Variants in DLGAP2 observed in about 807,000 individuals in gnomAD.
The protein encoded by DLGAP2 is disks large-associated protein 2.
A neutral mutation model predicts 100.3 loss-of-function variants in DLGAP2; 26 were observed. The ratio of observed to expected loss-of-function variants is 0.26; its 90% confidence interval spans 0.19 to 0.36. The LOEUF (loss-of-function observed/expected upper bound fraction) is 0.36, where lower values mean the gene tolerates loss of function less well. DLGAP2 is among the 10% of genes least tolerant of loss of function. The pLI is 1.00. For missense variants in DLGAP2, 1,858 were observed against 1,453.2 expected, an observed-to-expected ratio of 1.28 and a Z score of -4.53; for synonymous variants, 886 against 630.1, an observed-to-expected ratio of 1.41 and a Z score of -6.08.
chr8:1,329,865 C>T (rs935751500), intron 3 of DLGAP2, among the ~76,000 whole-genome samples: 1 of 152,202 alleles, frequency 6.6e-6, no homozygotes, highest in African/African-American at 2.4e-5. Flanking sequence ...ATTTCAGAAC[C>T]TTGTCTTCTA....
At chr8:754,009 T>C (rs1204702714) in intron 1 of DLGAP2, 1 of 152,230 alleles carries the variant, frequency 6.6e-6, no homozygotes, top group Non-Finnish European at 1.5e-5. Context: ...TTGTCTACCT[T>C]GCCTGGAGCC....
intron 2 of DLGAP2, among the ~76,000 whole-genome samples, chr8:1,022,698 C>G (rs1015982971): frequency 6.7e-6 from 1 of 149,404 alleles, no homozygotes; most frequent in Non-Finnish European, 1.5e-5. Flanking sequence ...ACAGCACCCA[C>G]CCTCCCTGGG....
intron 1 of DLGAP2, among the ~76,000 whole-genome samples, chr8:789,080 T>C (rs1261679491): frequency 2.6e-5 from 4 of 152,234 alleles, no homozygotes; most frequent in African/African-American, 7.2e-5. Flanking sequence ...CTTTATGTAC[T>C]TTGGACACAA....
intron 4 of DLGAP2, among the ~76,000 whole-genome samples, chr8:1,540,689 G>C (rs551995488): frequency 6.6e-6 from 1 of 152,352 alleles, no homozygotes; most frequent in East Asian, 1.9e-4. Context: ...CCCCACGGAG[G>C]GGGCATCACT....
At chr8:883,789 C>G (rs1337710033) in intron 1 of DLGAP2, among the ~76,000 whole-genome samples, 1 of 152,196 alleles carries the variant, frequency 6.6e-6, no homozygotes, top group Non-Finnish European at 1.5e-5. Flanking sequence ...TTTCCTCCCC[C>G]CACTCCCTAA....
chr8:1,097,803 C>T (rs367872892), intron 2 of DLGAP2, among the ~76,000 whole-genome samples: 1 of 127,292 alleles, frequency 7.9e-6, no homozygotes, highest in Non-Finnish European at 1.6e-5. Context: ...GTGAGACCCA[C>T]CTCCCTCTGC....
intron 3 of DLGAP2, among the ~76,000 whole-genome samples, chr8:1,279,888 C>T (rs181031813): frequency 9.9e-5 from 15 of 152,278 alleles, no homozygotes; most frequent in Admixed American, 2.0e-4. Context: ...CCAGTCTACA[C>T]GCCAAGGAAG....
chr8:1,007,730 T>C (rs1163240519), intron 2 of DLGAP2, among the ~76,000 whole-genome samples: 5 of 151,962 alleles, frequency 3.3e-5, no homozygotes, highest in Non-Finnish European at 4.4e-5. Flanking sequence ...GAAACCTTCA[T>C]ATAAGGAAGC....
intron 3 of DLGAP2, among the ~76,000 whole-genome samples, chr8:1,266,916 A>G (rs192579846): frequency 6.6e-6 from 1 of 152,096 alleles, no homozygotes; most frequent in African/African-American, 2.4e-5. Flanking sequence ...CAGTGGGGAG[A>G]GGGGATGTGT....
intron 2 of DLGAP2, among the ~76,000 whole-genome samples, chr8:979,348 C>T (rs1005442503): frequency 6.6e-6 from 1 of 152,156 alleles, no homozygotes; most frequent in Non-Finnish European, 1.5e-5. Flanking sequence ...ATATCCACCC[C>T]ACAAGGGAGA....
At chr8:1,089,558 C>T (rs1169889806) in intron 2 of DLGAP2, among the ~76,000 whole-genome samples, 1 of 152,214 alleles carries the variant, frequency 6.6e-6, no homozygotes, top group Middle Eastern at 3.2e-3. Context: ...CCCTCCTTGC[C>T]ATGCAGGCTG....
chr8:1,668,509 C>A lies in DLGAP2; in HGVS notation c.1991C>A (p.Thr664Lys). Residue 664 changes from threonine (T) to lysine (K), a missense_variant, in exon 9 of 15, where the codon ACG becomes AAG. Thr to Lys is a moderately conservative substitution (Grantham distance 78, BLOSUM62 -1). Transcript: ENST00000637795. ...PQDSRGLYNSTDSLDSNKAMN... is the reference protein window; with the variant it reads ...PQDSRGLYNSKDSLDSNKAMN... ...GACAGCCGCGGCCTCTACAACTCCACGGACAGCCTGGACAGCAACAAGGCC... is the reference window on the plus strand; with the variant it reads ...GACAGCCGCGGCCTCTACAACTCCAAGGACAGCCTGGACAGCAACAAGGCC... 1 of 1,593,476 alleles carries A rather than the reference C, an allele frequency of 6.3e-7. No individual in the cohort carries two copies. The highest frequency in any genetic ancestry group is 1.8e-5 in the Admixed American group (1 of 56,988).
At chr8:961,593 T>C (rs75336687) in intron 2 of DLGAP2, among the ~76,000 whole-genome samples, 1 of 152,340 alleles carries the variant, frequency 6.6e-6, no homozygotes, top group African/African-American at 2.4e-5. Flanking sequence ...TGTCATTTCA[T>C]TGAATGATAT....
intron 3 of DLGAP2, among the ~76,000 whole-genome samples, chr8:1,433,357 C>G (rs1048319674): frequency 6.6e-6 from 1 of 152,220 alleles, no homozygotes; most frequent in African/African-American, 2.4e-5. Flanking sequence ...GCATGGCCTA[C>G]GTGTAGCACA....
chr8:939,982 A>G (rs75637682), intron 2 of DLGAP2, among the ~76,000 whole-genome samples: 1,813 of 152,122 alleles, frequency 0.012, 44 homozygotes, highest in African/African-American at 0.041. Flanking sequence ...CAGGCCCCCA[A>G]CTGCCCATGA....
intron 4 of DLGAP2, among the ~76,000 whole-genome samples, chr8:1,515,633 AGCAC>A (rs533379706): frequency 1.6e-3 from 239 of 152,138 alleles, no homozygotes; most frequent in Non-Finnish European, 1.8e-3. Context: ...TGCAGACACA[AGCAC>A]ACACACATGC....
chr8:1,368,331 A>ATG (rs200849317), intron 3 of DLGAP2, among the ~76,000 whole-genome samples: 1,909 of 151,310 alleles, frequency 0.013, 37 homozygotes, highest in African/African-American at 0.042. Flanking sequence ...GTGTGCATGC[A>ATG]TGTGTGTGTG....
chr8:1,456,673 T>C (rs976659905), intron 3 of DLGAP2, among the ~76,000 whole-genome samples: 1 of 151,568 alleles, frequency 6.6e-6, no homozygotes, highest in Non-Finnish European at 1.5e-5. Context: ...TGAGACCGAT[T>C]GTTGAAGAGT....
At chr8:1,363,044 G>C (rs958712095) in intron 3 of DLGAP2, among the ~76,000 whole-genome samples, 2 of 152,194 alleles carry the variant, frequency 1.3e-5, no homozygotes, top group African/African-American at 4.8e-5. Context: ...GATCCTCTAA[G>C]CTTTAAAGAG....
Sources: gnomAD v4.1 joint callset for allele counts (sites outside exome capture counted in the v4.1 genomes callset) on GRCh38, gnomAD v4.1.1 for gene constraint, MANE v1.5 for transcripts, NCBI Gene and HGNC (gene_info 2026-07-23, HGNC 2026-07-21) for gene names.